Variants in DYNC1H1 observed in about 807,000 individuals in gnomAD.
DYNC1H1 encodes the protein dynein cytoplasmic 1 heavy chain 1.
In DYNC1H1, 51 loss-of-function variants were observed where a neutral mutation model predicts 527.1. The observed-to-expected ratio is 0.10, with a 90% confidence interval of 0.08 to 0.12. The LOEUF is 0.12. Ranked by LOEUF, DYNC1H1 falls within the 10% of genes least tolerant of loss-of-function variation. DYNC1H1 has a pLI of 1.00. For synonymous variants in DYNC1H1, 2,189 were observed against 2,278.8 expected, an observed-to-expected ratio of 0.96 and a Z score of 1.12; for missense variants, 2,771 against 5,971.8, an observed-to-expected ratio of 0.46 and a Z score of 17.66.
intron 1 of DYNC1H1, among the ~76,000 whole-genome samples, chr14:101,974,195 G>A (rs889671582): frequency 3.7e-4 from 57 of 152,286 alleles, no homozygotes; most frequent in African/African-American, 1.3e-3. Context: ...CGCCTCCTGG[G>A]TTCAAGCGAT....
Position 102,042,703 on chromosome 14 carries a change from C to T in DYNC1H1, c.12468C>T (p.Asn4156=). 1.9e-6 allele frequency: 3 copies of T among 1,614,214 alleles called. No individual in the cohort carries two copies. Among genetic ancestry groups the T allele is most frequent in the South Asian group, 1.1e-5 (1 of 91,090 alleles). ...VFEPPPGVKA[N]MLRTFSSIPV... ...AGCCACCGCCAGGGGTGAAGGCCAA[C>T]ATGCTGAGGACGTTCAGCAGCATTC... is the stretch of plus-strand genomic sequence containing the variant. The change falls in exon 69 of 78, where the codon AAC becomes AAT. Residue 4156 remains asparagine, a synonymous_variant. Coordinates refer to ENST00000360184, the MANE Select transcript of DYNC1H1 (RefSeq NM_001376.5). The surrounding 1 kb of genome is among the most constrained non-coding windows in gnomAD (Gnocchi z 5.7).
intron 1 of DYNC1H1, among the ~76,000 whole-genome samples, chr14:101,974,853 C>T (rs368081055): frequency 1.9e-4 from 29 of 152,316 alleles, no homozygotes; most frequent in African/African-American, 6.5e-4. Flanking sequence ...TTGAAAGTGA[C>T]TACTGTGTGC....
intron 34 of DYNC1H1, among the ~76,000 whole-genome samples, chr14:102,013,942 G>T (rs1013763224): frequency 2.0e-5 from 3 of 152,152 alleles, no homozygotes; most frequent in Non-Finnish European, 4.4e-5. Flanking sequence ...AGGATGATGC[G>T]AGGTTTCTGG....
intron 1 of DYNC1H1, among the ~76,000 whole-genome samples, chr14:101,971,070 G>A (rs2141263660): frequency 6.7e-6 from 1 of 148,758 alleles, no homozygotes; most frequent in African/African-American, 2.5e-5. Flanking sequence ...CTACTCAGGA[G>A]AGGGCCGTAT....
At chr14:102,023,191 G>A (rs1261600229) in intron 43 of DYNC1H1, 1 of 390,610 alleles carries the variant, frequency 2.6e-6, no homozygotes, top group Non-Finnish European at 4.9e-6. Flanking sequence ...ACAGTGAGCT[G>A]TGGTCACACC....
At chr14:102,040,755 A>T in intron 64 of DYNC1H1, 82 bp downstream of exon 64, 1 of 1,517,384 alleles carries the variant, frequency 6.6e-7, no homozygotes, top group Non-Finnish European at 9.2e-7. Flanking sequence ...CAAAAAACAC[A>T]AAGTTACTAG....
intron 28 of DYNC1H1, among the ~76,000 whole-genome samples, chr14:102,007,955 G>T (rs569579930): frequency 6.6e-6 from 1 of 152,154 alleles, no homozygotes; most frequent in Non-Finnish European, 1.5e-5. Context: ...CAGGGAGAGC[G>T]CTCTGGTTCC....
intron 28 of DYNC1H1, 82 bp from the exon 29 acceptor site, chr14:102,008,096 A>G (rs1595612911): frequency 6.3e-7 from 1 of 1,595,882 alleles, no homozygotes; most frequent in East Asian, 2.2e-5. Context: ...GGGCATCAAC[A>G]TACTGATTTG....
At chr14:102,043,739 A>G (rs2048680706) in intron 69 of DYNC1H1, 136 bp from the exon 70 acceptor site, 4 of 1,168,334 alleles carry the variant, frequency 3.4e-6, no homozygotes, top group South Asian at 1.3e-5. Context: ...TCCTAGCAGC[A>G]GTACTCATGT....
Position 102,008,320 on chromosome 14 carries a change from A to G in DYNC1H1, c.5960A>G (p.Asn1987Ser), listed in dbSNP as rs957164618. Residue 1987 changes from asparagine (N) to serine (S), a missense_variant, in exon 29 of 78, where the codon AAC becomes AGC. Physicochemically the swap from Asn to Ser is conservative, Grantham distance 46. Around this residue, in one of 32 missense-constraint regions of DYNC1H1, gnomAD observed 39 missense variants for 38.8 expected, o/e 1.00. Coordinates refer to ENST00000360184, the MANE Select transcript of DYNC1H1 (RefSeq NM_001376.5). ...CIQEALREHS[N>S]PNYDKTSAPI... ...CAGGAAGCACTGCGTGAACATTCCA[A>G]CCCCAACTACGACAAGAGTAAGACA... 3.1e-6 allele frequency: 5 copies of G among 1,614,172 alleles called. No individual in the cohort carries two copies. Among genetic ancestry groups the G allele is most frequent in the East Asian group, 2.2e-5 (1 of 44,880 alleles).
intron 51 of DYNC1H1, among the ~76,000 whole-genome samples, chr14:102,031,190 A>G (rs1203279718): frequency 6.6e-6 from 1 of 152,190 alleles, no homozygotes; most frequent in Non-Finnish European, 1.5e-5. Context: ...CAAAAATTTC[A>G]GCCTAGAAAA....
In DYNC1H1 at chr14:102,000,012, A is replaced by G; in HGVS notation, c.3828A>G (p.Ala1276=). Residue 1276 remains alanine, a synonymous_variant, in exon 17 of 78, where the codon GCA becomes GCG. Coordinates refer to ENST00000360184, the MANE Select transcript of DYNC1H1 (RefSeq NM_001376.5). ...AGGGCAACCTTCGCCCAGAAGAGGC[A>G]CTTCAGGCTCTCACCATATATGAGG... is the stretch of plus-strand genomic sequence containing the variant. ...PVTGNLRPEE[A]LQALTIYEGK... 1.2e-6 allele frequency: 2 copies of G among 1,614,242 alleles called. No homozygotes were observed. Among genetic ancestry groups the G allele is most frequent in the Non-Finnish European group, 1.7e-6 (2 of 1,180,044 alleles).
In DYNC1H1 at chr14:101,995,028, G is replaced by A; in HGVS notation, c.3376G>A (p.Glu1126Lys). Residue 1126 changes from glutamate (E) to lysine (K), a missense_variant, in exon 14 of 78, where the codon GAG becomes AAG. Physicochemically the swap from Glu to Lys is moderately conservative, Grantham distance 56 (BLOSUM62 1). Coordinates refer to ENST00000360184, the MANE Select transcript of DYNC1H1 (RefSeq NM_001376.5). The stretch of plus-strand genomic sequence containing the variant: ...CTTGAAATATGACTCTTGGCATAAG[G>A]AGGTTCTTAGCAAATTTGGGCAGAT... ...VNLKYDSWHK[E>K]VLSKFGQMLG... The A allele has an allele frequency of 6.2e-7, 1 of 1,614,194 alleles. No homozygotes were observed. Among genetic ancestry groups the A allele is most frequent in the Non-Finnish European group, 8.5e-7 (1 of 1,180,030 alleles).
rs893356155 is a variant in DYNC1H1, at chr14:102,041,889, G to T, written c.12103-124G>T. ...CAGATTCTCAACTCCTGGCTGCATG[G>T]TGCCCACACCTCTGGGCCCAGAAAG... On this transcript the variant is annotated intron_variant, in intron 65 of 77. Transcript: ENST00000360184. This position sits in a 1 kb window ranked among gnomAD's most constrained non-coding sequence, Gnocchi z 4.5. 11 of 1,495,396 alleles carry T rather than the reference G, an allele frequency of 7.4e-6. No homozygotes were observed. The African/African-American group carries it at 1.5e-4, about 21-fold the overall frequency. 92.6% of individuals were successfully genotyped at this position (1,495,396 alleles called of 1,614,324 possible).
intron 29 of DYNC1H1, chr14:102,009,613 G>A: frequency 1.8e-6 from 1 of 569,174 alleles, no homozygotes. Context: ...GCCTCTGGTG[G>A]CTTGACCTGG....
intron 5 of DYNC1H1, among the ~76,000 whole-genome samples, chr14:101,982,413 G>A (rs1317400020): frequency 6.6e-6 from 1 of 152,038 alleles, no homozygotes; most frequent in Non-Finnish European, 1.5e-5. Context: ...CTAACATGGT[G>A]AAACCCCGTG....
intron 1 of DYNC1H1, among the ~76,000 whole-genome samples, chr14:101,970,929 T>G (rs971114007): frequency 6.6e-6 from 1 of 151,808 alleles, no homozygotes; most frequent in Admixed American, 6.6e-5. Flanking sequence ...TGGGAGAAAG[T>G]TTGGAAGGAA....
At position 102,020,745 on chromosome 14, in the gene DYNC1H1, G is replaced by A. The variant is rs17512537; in HGVS notation, c.8507+689G>A. 5.5e-3 allele frequency among the ~76,000 whole-genome samples: 839 copies of A among 152,338 alleles called. 17 individuals carry two copies. The highest frequency in any genetic ancestry group is 0.037 in the East Asian group (190 of 5,192). On this transcript the variant is annotated intron_variant, in intron 42 of 77. Coordinates refer to ENST00000360184, the MANE Select transcript of DYNC1H1 (RefSeq NM_001376.5). This position sits in a 1 kb window ranked among gnomAD's most constrained non-coding sequence, Gnocchi z 4.3. ...GGTTTGAATTGCAGTAAGATGACTT[G>A]GCAGATGGTTCCCTCCAGACTAAGA...
In DYNC1H1 at chr14:101,983,682, TGTTG is replaced by T; in HGVS notation, c.1461+74_1461+77del. On this transcript the variant is annotated intron_variant, in intron 7 of 77. Coordinates refer to ENST00000360184, the MANE Select transcript of DYNC1H1 (RefSeq NM_001376.5). The surrounding 1 kb of genome is among the most constrained non-coding windows in gnomAD (Gnocchi z 5.3). The stretch of plus-strand genomic sequence containing the variant: ...TGTTTTTTGTTTGGTGTTTTTTTTT[TGTTG>T]TTGTTGTTGAGATGAAGTTTCACTC... The T allele has an allele frequency of 7.1e-6, 10 of 1,402,078 alleles. No homozygotes were observed. The highest frequency in any genetic ancestry group is 3.8e-5 in the South Asian group (3 of 79,458). The allele number at this position is 1,402,078 out of a possible 1,614,324, so 86.9% of individuals were successfully genotyped here.
Sources: gnomAD v4.1 joint callset for allele counts (sites outside exome capture counted in the v4.1 genomes callset) on GRCh38, gnomAD v4.1.1 for gene constraint, gnomAD v4.1.1 regional missense constraint, Gnocchi (gnomAD v3.1) non-coding constraint, MANE v1.5 for transcripts, NCBI Gene and HGNC (gene_info 2026-07-23, HGNC 2026-07-21) for gene names.